OSBP2: variants seen among roughly 807,000 people sequenced by gnomAD.
OSBP2 encodes oxysterol binding protein 2, also known as oxysterol-binding protein 2.
A neutral mutation model predicts 96.0 loss-of-function variants in OSBP2; 66 were observed. The ratio of observed to expected loss-of-function variants is 0.69; its 90% CI spans 0.56 to 0.84. The LOEUF is 0.84. Among genes scored for constraint, OSBP2 ranks in the 40% least tolerant of loss-of-function variants. OSBP2 has a pLI of 0.00. For synonymous variants in OSBP2, 525 were observed against 520.9 expected (o/e 1.01, Z -0.11); for missense variants, 1,038 against 1,222.7 (o/e 0.85, Z 2.25).
intron 2 of OSBP2, among the ~76,000 whole-genome samples, chr22:30,769,300 CA>C (rs2090318130): frequency 6.6e-6 from 1 of 152,202 alleles, no homozygotes; most frequent in Admixed American, 6.5e-5. Flanking sequence ...ATCACAGGGA[CA>C]AATAATGTCT....
At chr22:30,878,264 A>C (rs79155727) in intron 3 of OSBP2, among the ~76,000 whole-genome samples, 2,580 of 152,384 alleles carry the variant, frequency 0.017, 56 homozygotes, top group African/African-American at 0.057. Flanking sequence ...GCATTTTAGC[A>C]AGACCCCTCT....
intron 2 of OSBP2, among the ~76,000 whole-genome samples, chr22:30,837,758 G>A (rs751609889): frequency 1.8e-4 from 28 of 152,188 alleles, no homozygotes; most frequent in Non-Finnish European, 2.9e-4. Flanking sequence ...GCAAGCCACA[G>A]GAGGAGTCAG....
chr22:30,812,992 G>A (rs779643666), intron 2 of OSBP2, among the ~76,000 whole-genome samples: 14 of 151,952 alleles, frequency 9.2e-5, no homozygotes, highest in Non-Finnish European at 1.6e-4. Context: ...TCTAGCTATG[G>A]TTATTTCTCC....
chr22:30,810,436 G>T (rs73884441), intron 2 of OSBP2, among the ~76,000 whole-genome samples: 16,064 of 152,158 alleles, frequency 0.11, 2,397 homozygotes, highest in African/African-American at 0.33. Context: ...ACCTCTCTGG[G>T]CTATGCTGTC....
intron 2 of OSBP2, among the ~76,000 whole-genome samples, chr22:30,819,281 G>A (rs140823029): frequency 0.018 from 2,790 of 152,314 alleles, 78 homozygotes; most frequent in African/African-American, 0.061. Context: ...GTTACAGTGA[G>A]CAGAGATCAT....
intron 1 of OSBP2, among the ~76,000 whole-genome samples, chr22:30,715,371 T>C (rs1207588270): frequency 6.6e-6 from 1 of 151,096 alleles, no homozygotes; most frequent in Non-Finnish European, 1.5e-5. Flanking sequence ...TCTCTCTCTT[T>C]TTTTTTTTTT....
intron 2 of OSBP2, among the ~76,000 whole-genome samples, chr22:30,846,657 A>G (rs1266607933): frequency 6.6e-6 from 1 of 151,452 alleles, no homozygotes; most frequent in Non-Finnish European, 1.5e-5. Flanking sequence ...TGACATGAGC[A>G]TTTTTTCATG....
intron 2 of OSBP2, among the ~76,000 whole-genome samples, chr22:30,866,744 A>G (rs912649436): frequency 3.2e-5 from 4 of 125,004 alleles, no homozygotes; most frequent in Admixed American, 2.3e-4. Flanking sequence ...CTCAAAAAAC[A>G]GGAAAAAAAA....
rs141928921 is a variant in OSBP2 at position 30,899,658 on chromosome 22, T to A, written c.2375+5657T>A. On this transcript the variant is annotated intron_variant, in intron 12 of 13. Coordinates refer to ENST00000332585, the MANE Select transcript of OSBP2 (RefSeq NM_030758.4). ...AGGCCAGGATAACCCTCATACCAAA[T>A]TAGGCTAAACTAGCAGTAGGAAAAT... is the stretch of plus-strand genomic sequence containing the variant. 7.9e-5 allele frequency among the ~76,000 whole-genome samples: 12 copies of A among 152,246 alleles called. No individual in the cohort carries two copies. In the East Asian group the frequency reaches 2.3e-3, roughly 29 times the overall value.
At chr22:30,734,026 G>A in intron 1 of OSBP2, among the ~76,000 whole-genome samples, 1 of 152,072 alleles carries the variant, frequency 6.6e-6, no homozygotes, top group East Asian at 1.9e-4. Context: ...CCAGGCTAGA[G>A]TGCAGTGGTG....
intron 2 of OSBP2, chr22:30,803,117 G>GC (rs2145844370): frequency 4.8e-6 from 1 of 208,846 alleles, no homozygotes; most frequent in African/African-American, 2.4e-5. Context: ...AGCAGCAGCT[G>GC]CAAGAGCCCT....
chr22:30,717,338 T>C (rs1379766002), intron 1 of OSBP2, among the ~76,000 whole-genome samples: 1 of 152,204 alleles, frequency 6.6e-6, no homozygotes, highest in Admixed American at 6.5e-5. Context: ...CATCCAGTTT[T>C]TTCAACATCA....
In OSBP2 at chr22:30,906,289, T is replaced by C. The variant is rs2040337082; in HGVS notation, c.2701T>C (p.Trp901Arg). ...EMACVYKGGY[W>R]EAKEKQDWHM... ...GGCCTGTGTGTACAAGGGCGGCTAC[T>C]GGGAGGCCAAGGAGAAGCAAGACTG... Residue 901 changes from tryptophan to arginine, a missense_variant, in exon 14 of 14, where the codon TGG becomes CGG. Trp to Arg is a moderately radical substitution (Grantham distance 101). Around this residue, in one of 3 missense-constraint regions of OSBP2, gnomAD observed 737 missense variants for 913.3 expected, o/e 0.81. Coordinates refer to ENST00000332585, the MANE Select transcript of OSBP2 (RefSeq NM_030758.4). The C allele has an allele frequency of 6.2e-7, 1 of 1,613,858 alleles. No homozygotes were observed. Among genetic ancestry groups the C allele is most frequent in the South Asian group, 1.1e-5 (1 of 91,064 alleles).
intron 2 of OSBP2, among the ~76,000 whole-genome samples, chr22:30,807,329 G>A (rs904998161): frequency 6.6e-6 from 1 of 152,136 alleles, no homozygotes; most frequent in South Asian, 2.1e-4. Flanking sequence ...CCCTCAAGCC[G>A]TGCTGCCACT....
At chr22:30,719,790 G>A (rs2089518393) in intron 1 of OSBP2, among the ~76,000 whole-genome samples, 1 of 150,314 alleles carries the variant, frequency 6.7e-6, no homozygotes, top group Admixed American at 6.6e-5. Flanking sequence ...CACTGAGCCA[G>A]AGCCAGGATA....
At chr22:30,730,758 CTCTCTCTCT>C (rs1314691428) in intron 1 of OSBP2, among the ~76,000 whole-genome samples, 2 of 42,922 alleles carry the variant, frequency 4.7e-5, no homozygotes, top group Non-Finnish European at 8.9e-5. Flanking sequence ...CTCTCTCTCT[CTCTCTCTCT>C]CTCTCTCTAT....
Position 30,770,731 on chromosome 22 carries a change from G to A in OSBP2, c.853+29362G>A, listed in dbSNP as rs200671186. On this transcript the variant is annotated intron_variant, in intron 2 of 13. Transcript: ENST00000332585. ...ACACCCCCATTTCTGGTTCTCTCCC[G>A]GTGTCCCCTCTGTGTCCTTTCCCTC... 5.4e-4 allele frequency: 83 copies of A among 152,762 alleles called. No individual in the cohort carries two copies. The East Asian group carries it at 9.0e-3, about 17-fold the overall frequency. 9.5% of individuals were successfully genotyped at this position (152,762 alleles called of 1,614,324 possible).
At chr22:30,874,340 A>G (rs1297765093) in intron 3 of OSBP2, among the ~76,000 whole-genome samples, 1 of 152,136 alleles carries the variant, frequency 6.6e-6, no homozygotes, top group Non-Finnish European at 1.5e-5. Context: ...TGAACCCAGG[A>G]GATGGAGGTT....
At chr22:30,785,686 T>C (rs185389387) in intron 2 of OSBP2, among the ~76,000 whole-genome samples, 1 of 152,086 alleles carries the variant, frequency 6.6e-6, no homozygotes, top group Non-Finnish European at 1.5e-5. Flanking sequence ...TCATCTCAAA[T>C]TGTAATCCCC....
Sources: allele counts gnomAD v4.1 joint callset (sites outside exome capture counted in the v4.1 genomes callset), GRCh38; gene constraint gnomAD v4.1.1; regional missense constraint gnomAD v4.1.1; transcripts MANE v1.5; gene names NCBI Gene and HGNC (gene_info 2026-07-23, HGNC 2026-07-21).